Variants in RPL11 observed in about 807,000 individuals in gnomAD.
The protein encoded by RPL11 is large ribosomal subunit protein uL5.
Under a neutral mutation model 24.1 loss-of-function variants are expected in RPL11, and 3 were observed. That is an observed-to-expected ratio of 0.12 (90% CI 0.06 to 0.32). The LOEUF (loss-of-function observed/expected upper bound fraction) is 0.32, where lower values mean the gene tolerates loss of function less well. Among genes scored for constraint, RPL11 ranks in the 10% least tolerant of loss-of-function variants. RPL11 has a pLI of 1.00. For synonymous variants in RPL11, 96 were observed against 75.7 expected (o/e 1.27, Z -1.39); for missense variants, 146 against 225.7 (o/e 0.65, Z 2.26).
intron 1 of RPL11, 64 bp downstream of exon 1, chr1:23,691,893 G>T: frequency 6.2e-7 from 1 of 1,611,248 alleles, no homozygotes; most frequent in South Asian, 1.1e-5. Context: ...GGCCGAGCCT[G>T]CGGGGGCTAC....
intron 3 of RPL11, 27 bp from the exon 4 acceptor site, chr1:23,694,633 A>T (rs371930769): frequency 3.0e-5 from 48 of 1,613,214 alleles, no homozygotes; most frequent in Admixed American, 1.0e-4. Flanking sequence ...ATGACAAGGA[A>T]TGTTATTGCT....
chr1:23,692,186 C>G (rs980478730), intron 1 of RPL11: 3 of 467,710 alleles, frequency 6.4e-6, no homozygotes, highest in Non-Finnish European at 7.8e-6. Context: ...TCGGTTGCTC[C>G]GCTTAGGGAA....
At position 23,692,042 on chromosome 1, in the gene RPL11, C is replaced by T. The variant is rs1644503171; in HGVS notation, c.6+213C>T. The stretch of plus-strand genomic sequence containing the variant: ...TTAGGAGCGGCTCCGGGCACTTGCC[C>T]GGAGTGCTCAGAAGCACGGTCAGGA... On this transcript the variant is annotated intron_variant, in intron 1 of 5. Transcript: ENST00000643754. 9.0e-6 allele frequency: 6 copies of T among 668,422 alleles called. No homozygotes were observed. The Admixed American group carries it at 1.1e-4, about 12-fold the overall frequency. 41.4% of individuals were successfully genotyped at this position (668,422 alleles called of 1,614,324 possible).
chr1:23,696,571 CT>C lies in RPL11; in HGVS notation c.*200del. On this transcript the variant is annotated 3_prime_UTR_variant, in exon 6 of 6. Coordinates refer to ENST00000643754, the MANE Select transcript of RPL11 (RefSeq NM_000975.5). ...ATTTCCTGGCAGATCCAAGTCCAAG[CT>C]TCATAGCATTCATTGCCTGTGCTTG... 1.5e-6 allele frequency: 1 copy of C among 646,486 alleles called. No individual in the cohort carries two copies. 40.0% of individuals were successfully genotyped at this position (646,486 alleles called of 1,614,324 possible).
chr1:23,692,629 G>A lies in RPL11; in HGVS notation c.27G>A (p.Glu9=), dbSNP rs1386197283. 6.2e-7 allele frequency: 1 copy of A among 1,614,074 alleles called. No homozygotes were observed. Among genetic ancestry groups the A allele is most frequent in the African/African-American group, 1.3e-5 (1 of 74,920 alleles). ...TGCAGCAGGATCAAGGTGAAAAGGA[G>A]AACCCCATGCGGGAACTTCGCATCC... MAQDQGEK[E]NPMRELRIRK... is the part of the protein sequence containing the mutation. Residue 9 remains glutamate (E), a synonymous_variant, in exon 2 of 6, where the codon GAG becomes GAA. Transcript: ENST00000643754.
In RPL11 at chr1:23,694,378, CAAAA is replaced by C. The variant is rs151292002; in HGVS notation, c.265-273_265-270del. 4.8e-3 allele frequency among the ~76,000 whole-genome samples: 650 copies of C among 134,460 alleles called. 4 individuals carry two copies. Among genetic ancestry groups the C allele is most frequent in the African/African-American group, 0.015 (548 of 36,582 alleles). The allele number at this position is 134,460 out of a possible 152,430, so 88.2% of individuals were successfully genotyped here. ...AGGCCACAGAGTGAGACTCTTGTCTCAAAAAAAAAAAAGAAAAAGGATGCTTGGG... is the reference window on the plus strand; with the variant it reads ...AGGCCACAGAGTGAGACTCTTGTCTCAAAAAAAAGAAAAAGGATGCTTGGG... On this transcript the variant is annotated intron_variant, in intron 3 of 5. Coordinates refer to ENST00000643754, the MANE Select transcript of RPL11 (RefSeq NM_000975.5).
chr1:23,696,422 G>A lies in RPL11; in HGVS notation c.*49G>A, dbSNP rs746276865. Reference sequence around the variant, plus strand: ...CAATAAAAAGTTTTCAGTGAAATGTGCAATTCTGTTGTGTGTTCTGTGAAA... The same window carrying A: ...CAATAAAAAGTTTTCAGTGAAATGTACAATTCTGTTGTGTGTTCTGTGAAA... On this transcript the variant is annotated 3_prime_UTR_variant, in exon 6 of 6. Coordinates refer to ENST00000643754, the MANE Select transcript of RPL11 (RefSeq NM_000975.5). 21 of 1,572,346 alleles carry A rather than the reference G, an allele frequency of 1.3e-5. No individual in the cohort carries two copies. In the Admixed American group the frequency reaches 3.5e-4, roughly 26 times the overall value.
chr1:23,692,415 C>A, intron 1 of RPL11, 194 bp from the exon 2 acceptor site: 1 of 627,346 alleles, frequency 1.6e-6, no homozygotes, highest in South Asian at 1.9e-5. Flanking sequence ...TTCACCCGTT[C>A]CGTTCGTGGA....
In RPL11 at chr1:23,692,689, T is replaced by C. The variant is rs1450297145; in HGVS notation, c.87T>C (p.Ser29=). 1.2e-6 allele frequency: 2 copies of C among 1,613,470 alleles called. No homozygotes were observed. The highest frequency in any genetic ancestry group is 1.7e-6 in the Non-Finnish European group (2 of 1,179,898). ...GTCTCAACATCTGTGTTGGGGAGAG[T>C]GGAGACAGACTGACGCGAGCAGCCA... ...KLCLNICVGE[S]GDRLTRAAKV... The change falls in exon 2 of 6, where the codon AGT becomes AGC. Residue 29 remains serine, a synonymous_variant. Transcript: ENST00000643754.
At position 23,693,871 on chromosome 1, in the gene RPL11, T is replaced by G. The variant is rs780341699; in HGVS notation, c.222T>G (p.Val74=). The G allele has an allele frequency of 2.5e-6, 4 of 1,614,120 alleles. No individual in the cohort carries two copies. The South Asian group carries it at 4.4e-5, about 18-fold the overall frequency. Residue 74 remains valine, a synonymous_variant, in exon 3 of 6, where the codon GTT becomes GTG. Coordinates refer to ENST00000643754, the MANE Select transcript of RPL11 (RefSeq NM_000975.5). ...AAAAGATTGCTGTCCACTGCACAGT[T>G]CGAGGGGCCAAGGCAGAAGAAATCT... ...RNEKIAVHCT[V]RGAKAEEILE...
Position 23,696,538 on chromosome 1 carries a change from A to T in RPL11, c.*165A>T. 1 of 699,754 alleles carries T rather than the reference A, an allele frequency of 1.4e-6. No individual in the cohort carries two copies. The highest frequency in any genetic ancestry group is 1.6e-5 in the South Asian group (1 of 62,518). The allele number at this position is 699,754 out of a possible 1,614,324, so 43.3% of individuals were successfully genotyped here. The stretch of plus-strand genomic sequence containing the variant: ...AACAACCCCGTCATCCTCTGATTGG[A>T]TGCCAGTATTTCCTGGCAGATCCAA... On this transcript the variant is annotated 3_prime_UTR_variant, in exon 6 of 6. Transcript: ENST00000643754.
intron 2 of RPL11, 32 bp from the exon 3 acceptor site, chr1:23,693,775 G>C: frequency 6.8e-7 from 1 of 1,480,348 alleles, no homozygotes; most frequent in Non-Finnish European, 9.5e-7. Flanking sequence ...GGGTATGATG[G>C]CATCTGACTC....
At position 23,696,734 on chromosome 1, in the gene RPL11, A is replaced by G. The variant is rs561855425; in HGVS notation, c.*361A>G. ...TGTTCCAGGAGGCCCCCTGCTATTC[A>G]GTGATTCTGTTCTGTACTAGAAATT... On this transcript the variant is annotated 3_prime_UTR_variant, in exon 6 of 6. Coordinates refer to ENST00000643754, the MANE Select transcript of RPL11 (RefSeq NM_000975.5). 3.3e-4 allele frequency: 126 copies of G among 384,278 alleles called. 1 individual carries two copies. The highest frequency in any genetic ancestry group is 2.4e-3 in the South Asian group (102 of 42,200). 23.8% of individuals were successfully genotyped at this position (384,278 alleles called of 1,614,324 possible). A position where few individuals can be genotyped will look rare whatever the true frequency, so the allele number is the denominator to read the frequency against.
chr1:23,696,216 C>G lies in RPL11; in HGVS notation c.508-128C>G, dbSNP rs1297128153. 7.7e-6 allele frequency: 7 copies of G among 914,090 alleles called. No homozygotes were observed. The East Asian group carries it at 1.8e-4, about 23-fold the overall frequency. 56.6% of individuals were successfully genotyped at this position (914,090 alleles called of 1,614,324 possible). A position where few individuals can be genotyped will look rare whatever the true frequency, so the allele number is the denominator to read the frequency against. On this transcript the variant is annotated intron_variant, in intron 5 of 5. Coordinates refer to ENST00000643754, the MANE Select transcript of RPL11 (RefSeq NM_000975.5). ...AAAACCAGCCAGCTTCCTATTTAGT[C>G]CAGAAAAGGATGGGATTCAGAGCCC...
chr1:23,692,916 T>TC (rs1553121699), intron 2 of RPL11, among the ~76,000 whole-genome samples, 157 bp downstream of exon 2: 3 of 148,188 alleles, frequency 2.0e-5, no homozygotes, highest in Non-Finnish European at 4.5e-5. Context: ...TTTTTTTTTT[T>TC]ATTCAAGATG....
intron 2 of RPL11, 34 bp from the exon 3 acceptor site, chr1:23,693,773 T>C (rs748002434): frequency 4.1e-6 from 6 of 1,462,260 alleles, no homozygotes; most frequent in Non-Finnish European, 5.8e-6. Flanking sequence ...GGGGGTATGA[T>C]GGCATCTGAC....
intron 2 of RPL11, among the ~76,000 whole-genome samples, chr1:23,693,053 A>G (rs1644511399): frequency 6.6e-6 from 1 of 152,204 alleles, no homozygotes; most frequent in Non-Finnish European, 1.5e-5. Flanking sequence ...AGTAAAGATC[A>G]TTAGATCTGA....
intron 3 of RPL11, among the ~76,000 whole-genome samples, chr1:23,694,389 AAG>A (rs1326524450): frequency 6.6e-6 from 1 of 151,996 alleles, no homozygotes; most frequent in African/African-American, 2.4e-5. Context: ...AAAAAAAAAA[AAG>A]AAAAAGGATG....
intron 1 of RPL11, 37 bp downstream of exon 1, chr1:23,691,866 C>T (rs200991641): frequency 2.8e-5 from 45 of 1,614,134 alleles, no homozygotes; most frequent in African/African-American, 1.2e-4. Flanking sequence ...TTCCTTTATC[C>T]GTCGCCATCC....
Sources: gnomAD v4.1 joint callset for allele counts (sites outside exome capture counted in the v4.1 genomes callset) on GRCh38, gnomAD v4.1.1 for gene constraint, MANE v1.5 for transcripts, NCBI Gene and HGNC (gene_info 2026-07-23, HGNC 2026-07-21) for gene names.